ACCSL: variants seen among roughly 807,000 people sequenced by gnomAD.
ACCSL encodes probable inactive 1-aminocyclopropane-1-carboxylate synthase-like protein 2.
In ACCSL, 55 loss-of-function variants were observed where a neutral mutation model predicts 61.7. The observed-to-expected ratio is 0.89, with a 90% CI of 0.72 to 1.12. The LOEUF (loss-of-function observed/expected upper bound fraction) is 1.12. Among genes scored for constraint, ACCSL ranks in the 50% most tolerant of loss-of-function variants. The pLI, the probability that ACCSL is intolerant of heterozygous loss-of-function variation, is 0.00. For missense variants in ACCSL, 632 were observed against 698.0 expected (o/e 0.91, Z 1.07); for synonymous variants, 258 against 264.3 (o/e 0.98, Z 0.23).
the ACCSL span, chr11:43,943,683 ACT>A: frequency 2.0e-5 from 26 of 1,304,116 alleles, no homozygotes; most frequent in Non-Finnish European, 2.5e-5. This position sits in a 1 kb window ranked among gnomAD's most constrained non-coding sequence, Gnocchi z 4.8. Context: ...TCACGCCAAC[ACT>A]CTCGCTGAAC....
the ACCSL span, among the ~76,000 whole-genome samples, chr11:43,927,890 G>A: frequency 1.3e-5 from 2 of 152,196 alleles, no homozygotes; most frequent in Admixed American, 1.3e-4. Flanking sequence ...AAGAACTCAG[G>A]ACATCTCAGC....
At chr11:44,044,541 G>A (rs1952588694), upstream of ACCSL, among the ~76,000 whole-genome samples, 1 of 152,026 alleles carries the variant, frequency 6.6e-6, no homozygotes. Context: ...ACATGAAGAC[G>A]ATTCTGCAAT....
the ACCSL span, among the ~76,000 whole-genome samples, chr11:44,029,942 A>G: frequency 0.37 from 54,778 of 149,860 alleles, 10,626 homozygotes; most frequent in Admixed American, 0.41. Context: ...CATGTCAAAC[A>G]GTCAAACCAG....
At chr11:44,051,556 C>T in intron 4 of ACCSL, 97 bp from the exon 5 acceptor site, 1 of 1,558,714 alleles carries the variant, frequency 6.4e-7, no homozygotes, top group Non-Finnish European at 8.8e-7. Context: ...GAGGAGGCTC[C>T]CTGTGCCTGT....
chr11:43,974,366 A>G, the ACCSL span, among the ~76,000 whole-genome samples: 1 of 152,064 alleles, frequency 6.6e-6, no homozygotes, highest in Admixed American at 6.6e-5. Flanking sequence ...ATCACTCTTT[A>G]TCTCTACCTT....
the ACCSL span, among the ~76,000 whole-genome samples, chr11:43,992,113 G>A: frequency 5.0e-5 from 7 of 138,998 alleles, no homozygotes; most frequent in Non-Finnish European, 3.0e-5. Flanking sequence ...GTGCAGAGGC[G>A]TGATCATGGC....
the ACCSL span, among the ~76,000 whole-genome samples, chr11:43,969,914 C>A: frequency 6.6e-6 from 1 of 152,138 alleles, no homozygotes; most frequent in Non-Finnish European, 1.5e-5. Flanking sequence ...TCCATCAGAT[C>A]TCTCTCCCCT....
chr11:44,043,082 C>T (rs1952583182), upstream of ACCSL, among the ~76,000 whole-genome samples: 1 of 151,866 alleles, frequency 6.6e-6, no homozygotes, highest in African/African-American at 2.4e-5. Context: ...GACCCTGTCT[C>T]AAAAATAAAC....
At chr11:43,978,517 A>C in the ACCSL span, among the ~76,000 whole-genome samples, 2 of 152,222 alleles carry the variant, frequency 1.3e-5, no homozygotes, top group Non-Finnish European at 2.9e-5. Context: ...GATCCTGGCA[A>C]GGTACAGGCA....
At chr11:44,026,552 G>A in the ACCSL span, among the ~76,000 whole-genome samples, 2 of 152,106 alleles carry the variant, frequency 1.3e-5, no homozygotes, top group African/African-American at 2.4e-5. Context: ...AGTTTTAATT[G>A]AATGCTTTTT....
At chr11:44,051,290 G>A in intron 3 of ACCSL, 45 bp from the exon 4 acceptor site, 3 of 1,606,576 alleles carry the variant, frequency 1.9e-6, no homozygotes, top group Non-Finnish European at 2.6e-6. Flanking sequence ...CATGAGTGAG[G>A]AAAGGGGCCC....
At chr11:44,001,906 C>T in the ACCSL span, among the ~76,000 whole-genome samples, 1 of 151,200 alleles carries the variant, frequency 6.6e-6, no homozygotes, top group African/African-American at 2.4e-5. Context: ...CTGAGGGCTT[C>T]TTCTCTCTGC....
At chr11:44,056,379 G>A in intron 11 of ACCSL, 53 bp downstream of exon 11, 2 of 1,572,968 alleles carry the variant, frequency 1.3e-6, no homozygotes, top group Non-Finnish European at 1.7e-6. Context: ...TGGCCATGGG[G>A]AATTCTTGGA....
chr11:44,051,828 T>TCCCCAAAGTGGTGGGCCTTCTC (rs1952641570), intron 5 of ACCSL, 109 bp downstream of exon 5: 4 of 1,337,934 alleles, frequency 3.0e-6, no homozygotes, highest in Non-Finnish European at 4.2e-6. Context: ...CAAGGCCTTT[T>TCCCCAAAGTGGTGGGCCTTCTC]CCCCAAAGTG....
At chr11:43,973,395 T>C in the ACCSL span, among the ~76,000 whole-genome samples, 1 of 148,944 alleles carries the variant, frequency 6.7e-6, no homozygotes, top group African/African-American at 2.5e-5. Context: ...AGATGCTCTG[T>C]TCTTTGGTTT....
At chr11:44,036,880 G>C in the ACCSL span, among the ~76,000 whole-genome samples, 2 of 151,892 alleles carry the variant, frequency 1.3e-5, no homozygotes, top group African/African-American at 4.8e-5. Context: ...CAGTTTCCTT[G>C]ATGGGTTGGG....
the ACCSL span, among the ~76,000 whole-genome samples, chr11:43,998,448 G>A: frequency 2.0e-5 from 3 of 152,108 alleles, no homozygotes; most frequent in Non-Finnish European, 4.4e-5. Flanking sequence ...CATAAGGAAA[G>A]CCCTGGATTA....
chr11:44,036,900 C>T, the ACCSL span, among the ~76,000 whole-genome samples: 5 of 152,144 alleles, frequency 3.3e-5, no homozygotes, highest in African/African-American at 1.2e-4. Flanking sequence ...GGACCTTTTG[C>T]AGTCTCTTCC....
chr11:44,041,839 T>G, the ACCSL span, among the ~76,000 whole-genome samples: 2 of 152,216 alleles, frequency 1.3e-5, no homozygotes, highest in Admixed American at 6.5e-5. Flanking sequence ...GCTTTTTAGC[T>G]GAGAGATGTT....
Sources: allele counts gnomAD v4.1 joint callset (sites outside exome capture counted in the v4.1 genomes callset), GRCh38; gene constraint gnomAD v4.1.1; non-coding constraint Gnocchi (gnomAD v3.1); transcripts MANE v1.5; gene names NCBI Gene and HGNC (gene_info 2026-07-23, HGNC 2026-07-21).